STAU2: variants seen among roughly 807,000 people sequenced by gnomAD.
STAU2 encodes double-stranded RNA-binding protein Staufen homolog 2.
STAU2 carries 20 observed loss-of-function variants against 65.9 expected under a neutral mutation model. That is an observed-to-expected ratio of 0.30 (90% CI 0.21 to 0.44). STAU2 has a LOEUF of 0.44. Ranked by LOEUF, STAU2 falls within the 20% of genes least tolerant of loss-of-function variation. STAU2 has a pLI of 1.00. For synonymous variants in STAU2, 232 were observed against 233.9 expected (o/e 0.99, Z 0.07); for missense variants, 558 against 683.9 (o/e 0.82, Z 2.05).
chr8:73,744,331 G>A (rs570142072), intron 1 of STAU2, among the ~76,000 whole-genome samples: 3 of 151,910 alleles, frequency 2.0e-5, no homozygotes, highest in Non-Finnish European at 2.9e-5. Context: ...CATACTGTGC[G>A]TGTCTCAAAC....
At chr8:73,747,363 T>C (rs1004852015), upstream of STAU2, 1 of 1,535,244 alleles carries the variant, frequency 6.5e-7, no homozygotes, top group Non-Finnish European at 8.7e-7. Context: ...GTCCGCACCC[T>C]GTGCTCTGAT....
rs79827459 is a variant in STAU2, at chr8:73,561,529, T to C, written c.1223-9210A>G. 8.6e-5 allele frequency: 39 copies of C among 455,528 alleles called. No homozygotes were observed. The East Asian group carries it at 2.6e-3, about 30-fold the overall frequency. The allele number at this position is 455,528 out of a possible 1,614,324, so 28.2% of individuals were successfully genotyped here. A position where few individuals can be genotyped will look rare whatever the true frequency, so the allele number is the denominator to read the frequency against. On this transcript the variant is annotated intron_variant, in intron 12 of 14. Transcript: ENST00000524300. ...ATTCTTCTCAGAAAAACTCCATTAGTTATGATTTCCCTACGACAGAAAAAC... is the reference window on the plus strand; with the variant it reads ...ATTCTTCTCAGAAAAACTCCATTAGCTATGATTTCCCTACGACAGAAAAAC...
At chr8:73,682,271 C>G (rs1376885943) in intron 5 of STAU2, among the ~76,000 whole-genome samples, 11 of 151,814 alleles carry the variant, frequency 7.2e-5, no homozygotes, top group Admixed American at 5.9e-4. Context: ...ATTATATCAA[C>G]TACTCTCTCA....
intron 13 of STAU2, among the ~76,000 whole-genome samples, chr8:73,481,436 G>C (rs1168303303): frequency 6.7e-6 from 1 of 148,714 alleles, no homozygotes; most frequent in African/African-American, 2.5e-5. Flanking sequence ...CAAAGTTTGA[G>C]AGCCACTGGC....
At chr8:73,543,365 A>C (rs1404733332) in intron 13 of STAU2, among the ~76,000 whole-genome samples, 1 of 152,202 alleles carries the variant, frequency 6.6e-6, no homozygotes, top group Non-Finnish European at 1.5e-5. Context: ...ACATTTTTCA[A>C]AACTCATCAA....
intron 3 of STAU2, among the ~76,000 whole-genome samples, chr8:73,725,828 G>A (rs1805582328): frequency 6.6e-6 from 1 of 152,162 alleles, no homozygotes; most frequent in Non-Finnish European, 1.5e-5. Flanking sequence ...AGCTACTTGA[G>A]AGGCTGAGGT....
At chr8:73,592,858 CA>C (rs1216532667) in intron 11 of STAU2, among the ~76,000 whole-genome samples, 1 of 149,708 alleles carries the variant, frequency 6.7e-6, no homozygotes, top group East Asian at 2.3e-4. Context: ...GACTCCGTCT[CA>C]AAAAAACAAC....
intron 13 of STAU2, among the ~76,000 whole-genome samples, chr8:73,548,888 A>G (rs1348688721): frequency 6.6e-6 from 1 of 152,202 alleles, no homozygotes; most frequent in Non-Finnish European, 1.5e-5. Context: ...CTAATTTTTA[A>G]TGACTAGTTT....
chr8:73,440,050 C>T (rs553622758), intron 13 of STAU2: 2 of 152,382 alleles, frequency 1.3e-5, no homozygotes, highest in South Asian at 4.1e-4. Context: ...CAGCCGCTTC[C>T]ATTTTTTTCT....
intron 12 of STAU2, among the ~76,000 whole-genome samples, chr8:73,576,708 TAGC>T (rs1028014423): frequency 1.3e-5 from 2 of 152,236 alleles, no homozygotes; most frequent in African/African-American, 4.8e-5. Flanking sequence ...TTAAAAATAA[TAGC>T]AGTTAATGTT....
chr8:73,428,391 C>T (rs972623656), intron 13 of STAU2, among the ~76,000 whole-genome samples: 1 of 120,926 alleles, frequency 8.3e-6, no homozygotes, highest in Non-Finnish European at 1.6e-5. Context: ...AGGTTGATCC[C>T]ACATCTTTGC....
At chr8:73,629,507 A>G (rs1206991310) in intron 6 of STAU2, among the ~76,000 whole-genome samples, 1 of 152,198 alleles carries the variant, frequency 6.6e-6, no homozygotes, top group East Asian at 1.9e-4. Flanking sequence ...TATGTTTTAA[A>G]AAAATTGCAG....
intron 12 of STAU2, among the ~76,000 whole-genome samples, chr8:73,570,072 A>C (rs1322283631): frequency 6.6e-6 from 1 of 152,232 alleles, no homozygotes; most frequent in East Asian, 1.9e-4. Context: ...ACCTTGAAAA[A>C]AGATTCGACA....
chr8:73,738,076 A>T (rs1452156104), intron 3 of STAU2, among the ~76,000 whole-genome samples: 1 of 152,166 alleles, frequency 6.6e-6, no homozygotes, highest in African/African-American at 2.4e-5. Context: ...GCCTTGCACA[A>T]CCAGAAGTTA....
rs149967708 is a variant in STAU2 at position 73,658,153 on chromosome 8, C to T, written c.410+14954G>A. Among the ~76,000 whole-genome samples the T allele has an allele frequency of 2.3e-3, 346 of 152,206 alleles. 4 individuals are homozygous for T. The highest frequency in any genetic ancestry group is 8.0e-3 in the African/African-American group (331 of 41,528). On this transcript the variant is annotated intron_variant, in intron 6 of 14. Coordinates refer to ENST00000524300, the MANE Select transcript of STAU2 (RefSeq NM_001164380.2). ...CTGAGGTGGGCGAATCACCTGAGGT[C>T]AGGAGTTCAAGACCAGCCTGACCAA...
At chr8:73,570,728 C>G (rs1809012995) in intron 12 of STAU2, among the ~76,000 whole-genome samples, 1 of 152,152 alleles carries the variant, frequency 6.6e-6, no homozygotes. Flanking sequence ...TAAAGGGAAG[C>G]CCATCAGACT....
At chr8:73,654,703 T>C (rs1386993618) in intron 6 of STAU2, among the ~76,000 whole-genome samples, 1 of 143,656 alleles carries the variant, frequency 7.0e-6, no homozygotes, top group Non-Finnish European at 1.5e-5. Context: ...TTTTTTTTTT[T>C]TGAGACGGAG....
chr8:73,745,476 T>A (rs1182029133), intron 1 of STAU2, among the ~76,000 whole-genome samples: 1 of 152,232 alleles, frequency 6.6e-6, no homozygotes, highest in East Asian at 1.9e-4. Context: ...ACCCTGCCTG[T>A]CCATCACAAT....
At chr8:73,650,528 T>A (rs893066294) in intron 6 of STAU2, among the ~76,000 whole-genome samples, 26 of 152,334 alleles carry the variant, frequency 1.7e-4, no homozygotes, top group Non-Finnish European at 3.1e-4. Flanking sequence ...GTCACTCATC[T>A]ATATCAAACC....
Sources: allele counts gnomAD v4.1 joint callset (sites outside exome capture counted in the v4.1 genomes callset), GRCh38; gene constraint gnomAD v4.1.1; transcripts MANE v1.5; gene names NCBI Gene and HGNC (gene_info 2026-07-23, HGNC 2026-07-21).